DNAH7: variants seen among roughly 807,000 people sequenced by gnomAD.
The protein encoded by DNAH7 is dynein axonemal heavy chain 7, also known as axonemal beta dynein heavy chain 7.
DNAH7 carries 397 observed loss-of-function variants against 444.6 expected under a neutral mutation model. The observed-to-expected ratio is 0.89, with a 90% CI of 0.82 to 0.97. The LOEUF is 0.97. Among genes scored for constraint, DNAH7 ranks in the 50% least tolerant of loss-of-function variants. The pLI, the probability that DNAH7 is intolerant of heterozygous loss-of-function variation, is 0.00. For synonymous variants in DNAH7, 1,636 were observed against 1,624.4 expected (o/e 1.01, Z -0.17); for missense variants, 4,902 against 4,800.8 (o/e 1.02, Z -0.62).
chr2:196,017,659 T>C (rs1322610247), intron 9 of DNAH7, among the ~76,000 whole-genome samples: 2 of 152,036 alleles, frequency 1.3e-5, no homozygotes, highest in South Asian at 2.1e-4. Context: ...TTTCTATAGA[T>C]TGAAGAGTTA....
intron 63 of DNAH7, among the ~76,000 whole-genome samples, chr2:195,753,318 C>G (rs1030267458): frequency 1.3e-4 from 19 of 151,846 alleles, no homozygotes; most frequent in African/African-American, 4.4e-4. Context: ...GCAAATATCC[C>G]CGGGAATAGT....
chr2:195,873,360 G>A (rs1021978617), intron 39 of DNAH7, among the ~76,000 whole-genome samples: 3 of 152,244 alleles, frequency 2.0e-5, no homozygotes, highest in African/African-American at 7.2e-5. Flanking sequence ...ACTCAAACGT[G>A]AACATATTAC....
chr2:195,828,428 C>CA (rs917431433), intron 48 of DNAH7, among the ~76,000 whole-genome samples: 2,550 of 151,450 alleles, frequency 0.017, 70 homozygotes, highest in African/African-American at 0.058. Flanking sequence ...ACTAAAAATA[C>CA]AAAAAAATTA....
At chr2:196,066,230 CAAT>C (rs1233548103) in intron 1 of DNAH7, among the ~76,000 whole-genome samples, 1 of 152,196 alleles carries the variant, frequency 6.6e-6, no homozygotes, top group Non-Finnish European at 1.5e-5. Flanking sequence ...GTTAAATCAA[CAAT>C]AACCTCTCAA....
chr2:196,001,965 G>T (rs546713434), intron 10 of DNAH7, 107 bp from the exon 11 acceptor site: 3 of 815,194 alleles, frequency 3.7e-6, no homozygotes, highest in East Asian at 2.9e-5. Flanking sequence ...TCATAGAGAA[G>T]TATATTGCTA....
intron 48 of DNAH7, among the ~76,000 whole-genome samples, chr2:195,825,495 T>C (rs1191441293): frequency 6.6e-6 from 1 of 152,210 alleles, no homozygotes; most frequent in Non-Finnish European, 1.5e-5. Flanking sequence ...TGTATCATAT[T>C]AGTGTTCTCT....
chr2:195,984,957 C>T (rs1204033702), intron 14 of DNAH7, among the ~76,000 whole-genome samples: 1 of 151,966 alleles, frequency 6.6e-6, no homozygotes, highest in Non-Finnish European at 1.5e-5. Context: ...GCATAATGGC[C>T]CTCAAGCAAC....
chr2:196,064,909 T>C (rs1010397557), intron 1 of DNAH7, among the ~76,000 whole-genome samples: 2 of 152,204 alleles, frequency 1.3e-5, no homozygotes, highest in African/African-American at 4.8e-5. Context: ...TGTATTTTAG[T>C]ATAAACACAC....
intron 22 of DNAH7, among the ~76,000 whole-genome samples, chr2:195,924,960 T>C (rs1688241393): frequency 6.6e-6 from 1 of 152,126 alleles, no homozygotes; most frequent in Admixed American, 6.5e-5. Flanking sequence ...AAACATTTAA[T>C]AAAACTGTAC....
At position 195,771,756 on chromosome 2, in the gene DNAH7, C is replaced by T. The variant is rs1559084364; in HGVS notation, c.11337G>A (p.Gln3779=). The change falls in exon 61 of 65, where the codon CAG becomes CAA. Residue 3779 remains glutamine, a synonymous_variant. Transcript: ENST00000312428. ...CTTGGACAAGTACAGTGTTCATGCT[C>T]TGAGTATAAGTTGTTGGGTACCTCC... is the stretch of plus-strand genomic sequence containing the variant. ...AMRRYPTTYT[Q]SMNTVLVQEM... is the part of the protein sequence containing the mutation. 2 of 1,614,110 alleles carry T rather than the reference C, an allele frequency of 1.2e-6. No individual in the cohort carries two copies. Among genetic ancestry groups the T allele is most frequent in the Non-Finnish European group, 1.7e-6 (2 of 1,180,028 alleles).
chr2:195,818,484 TC>T (rs1322257159), intron 49 of DNAH7, among the ~76,000 whole-genome samples: 1 of 152,160 alleles, frequency 6.6e-6, no homozygotes, highest in Non-Finnish European at 1.5e-5. Context: ...CCTGTTTCTT[TC>T]CCATAAGCAT....
At chr2:195,835,358 G>A in intron 47 of DNAH7, among the ~76,000 whole-genome samples, 1 of 129,702 alleles carries the variant, frequency 7.7e-6, no homozygotes, top group Non-Finnish European at 1.6e-5. Context: ...AGAGCAGGAG[G>A]AGAAAATAAA....
intron 36 of DNAH7, 24 bp from the exon 37 acceptor site, chr2:195,876,723 A>G: frequency 6.8e-7 from 1 of 1,476,820 alleles, no homozygotes; most frequent in Non-Finnish European, 9.3e-7. Flanking sequence ...TAATAAAATG[A>G]GCCATAGTTG....
intron 27 of DNAH7, among the ~76,000 whole-genome samples, chr2:195,906,357 T>C (rs941280020): frequency 2.0e-5 from 3 of 151,156 alleles, no homozygotes; most frequent in Admixed American, 2.0e-4. Context: ...TAAAACAAAA[T>C]ATTTTACATA....
At chr2:195,856,804 A>G (rs1466527924) in intron 44 of DNAH7, among the ~76,000 whole-genome samples, 2 of 152,150 alleles carry the variant, frequency 1.3e-5, no homozygotes, top group African/African-American at 4.8e-5. Context: ...CCCTCGTCCA[A>G]CTAAACCTCT....
At chr2:195,794,216 T>C in intron 57 of DNAH7, 122 bp downstream of exon 57, 4 of 784,294 alleles carry the variant, frequency 5.1e-6, no homozygotes, top group South Asian at 1.7e-5. Context: ...CAAAACCTAC[T>C]GCACTGCGGT....
chr2:195,901,896 G>A (rs1686736511), intron 27 of DNAH7: 1 of 151,998 alleles, frequency 6.6e-6, no homozygotes, highest in Non-Finnish European at 1.5e-5. Flanking sequence ...GTTTTTGATG[G>A]TAAGTAAATA....
chr2:195,748,225 C>A (rs1693548089), intron 63 of DNAH7, among the ~76,000 whole-genome samples: 1 of 152,150 alleles, frequency 6.6e-6, no homozygotes, highest in Non-Finnish European at 1.5e-5. Context: ...TGAGTGAACT[C>A]CCATTCACAA....
rs1363910493 is a variant in DNAH7, at chr2:195,756,688, C to T, written c.11434-403G>A. ...ATCACCACACCCAACTGATTTTTTA[C>T]TTTAAAAATTTTTTTGTATAGGAAG... On this transcript the variant is annotated intron_variant, in intron 61 of 64. Coordinates refer to ENST00000312428, the MANE Select transcript of DNAH7 (RefSeq NM_018897.3). Among the ~76,000 whole-genome samples the T allele has an allele frequency of 4.6e-5, 7 of 152,046 alleles. No homozygotes were observed. In the South Asian group the frequency reaches 1.5e-3, roughly 32 times the overall value.
Sources: allele counts gnomAD v4.1 joint callset (sites outside exome capture counted in the v4.1 genomes callset), GRCh38; gene constraint gnomAD v4.1.1; transcripts MANE v1.5; gene names NCBI Gene and HGNC (gene_info 2026-07-23, HGNC 2026-07-21).